Variants in NCOA1 observed in about 807,000 individuals in gnomAD.
NCOA1 encodes Hin-2 protein.
NCOA1 carries 35 observed loss-of-function variants against 150.9 expected under a neutral mutation model. That is an observed-to-expected ratio of 0.23 (90% CI 0.18 to 0.31). The LOEUF (loss-of-function observed/expected upper bound fraction) is 0.31. NCOA1 is among the 10% of genes least tolerant of loss of function. The pLI is 1.00. For synonymous variants in NCOA1, 590 were observed against 630.0 expected (o/e 0.94, Z 0.95); for missense variants, 1,491 against 1,749.3 (o/e 0.85, Z 2.63).
chr2:24,562,841 T>C (rs1208339945), intron 1 of NCOA1, among the ~76,000 whole-genome samples: 1 of 152,030 alleles, frequency 6.6e-6, no homozygotes, highest in Non-Finnish European at 1.5e-5. Flanking sequence ...AAAGAGCAGG[T>C]AGAGTGCATC....
At chr2:24,552,471 A>G (rs962621018) in intron 1 of NCOA1, among the ~76,000 whole-genome samples, 14 of 144,272 alleles carry the variant, frequency 9.7e-5, no homozygotes, top group African/African-American at 2.4e-4. Flanking sequence ...GGTTCAAGCA[A>G]TTCTCCTGCC....
chr2:24,642,042 G>A (rs61084964), intron 3 of NCOA1, among the ~76,000 whole-genome samples: 14 of 151,010 alleles, frequency 9.3e-5, no homozygotes, highest in East Asian at 1.9e-4. Context: ...GTGTGTGCGC[G>A]CGTGCGTATG....
At chr2:24,639,288 TAA>T (rs990100109) in intron 3 of NCOA1, among the ~76,000 whole-genome samples, 1 of 151,990 alleles carries the variant, frequency 6.6e-6, no homozygotes, top group Non-Finnish European at 1.5e-5. Context: ...ATAAATAAAA[TAA>T]AAAAATTAAT....
At chr2:24,672,900 A>T (rs566347248) in intron 6 of NCOA1, among the ~76,000 whole-genome samples, 15 of 152,328 alleles carry the variant, frequency 9.8e-5, no homozygotes, top group Admixed American at 3.9e-4. Context: ...TCAGAGCATC[A>T]TGGCACGAAT....
chr2:24,596,863 G>C (rs1442453694), intron 3 of NCOA1, among the ~76,000 whole-genome samples: 1 of 152,176 alleles, frequency 6.6e-6, no homozygotes, highest in African/African-American at 2.4e-5. Context: ...TATGAACTGT[G>C]AGGTTTTGTG....
chr2:24,583,020 C>T (rs1364926719), intron 2 of NCOA1, among the ~76,000 whole-genome samples: 2 of 152,048 alleles, frequency 1.3e-5, no homozygotes, highest in Admixed American at 1.3e-4. Flanking sequence ...GATTTCCTGG[C>T]TAAGACTTCA....
In NCOA1 at chr2:24,710,971, C is replaced by T. The variant is rs373504018; in HGVS notation, c.2459C>T (p.Thr820Met). 45 of 1,614,114 alleles carry T rather than the reference C, an allele frequency of 2.8e-5. No individual in the cohort carries two copies. Among genetic ancestry groups the T allele is most frequent in the Non-Finnish European group, 3.7e-5 (44 of 1,179,996 alleles). ...GACCAGTTTGATCAGTTACTGCCCA[C>T]GCTGGAGAAGGCAGCACAGTTGCCA... ...DLDQFDQLLP[T>M]LEKAAQLPGL... The change falls in exon 14 of 23, where the codon ACG becomes ATG. Residue 820 changes from threonine to methionine, a missense_variant. By Grantham distance (81) the Thr-to-Met change is moderately conservative. Around this residue, in one of 8 missense-constraint regions of NCOA1, gnomAD observed 703 missense variants for 717.7 expected, o/e 0.98. Transcript: ENST00000348332.
chr2:24,576,633 A>G (rs1170334165), intron 2 of NCOA1, among the ~76,000 whole-genome samples: 1 of 152,178 alleles, frequency 6.6e-6, no homozygotes, highest in Non-Finnish European at 1.5e-5. Context: ...CATCATGGCT[A>G]TTTGTGGAAA....
At chr2:24,519,151 A>C (rs536846938) in intron 1 of NCOA1, among the ~76,000 whole-genome samples, 4 of 152,338 alleles carry the variant, frequency 2.6e-5, no homozygotes, top group Non-Finnish European at 5.9e-5. Context: ...CAGAATAGAA[A>C]GTCTGGAATA....
chr2:24,631,752 G>T (rs1669721613), intron 3 of NCOA1, among the ~76,000 whole-genome samples: 1 of 152,122 alleles, frequency 6.6e-6, no homozygotes, highest in Admixed American at 6.5e-5. Context: ...TGTACAGAGG[G>T]ACGTTCTCTT....
At chr2:24,673,943 T>C (rs1266670852) in intron 7 of NCOA1, among the ~76,000 whole-genome samples, 1 of 152,222 alleles carries the variant, frequency 6.6e-6, no homozygotes, top group Non-Finnish European at 1.5e-5. Context: ...ACTGTCAAAC[T>C]TTGTAATGTG....
At chr2:24,540,439 A>T (rs908379935) in intron 1 of NCOA1, among the ~76,000 whole-genome samples, 5 of 150,926 alleles carry the variant, frequency 3.3e-5, no homozygotes, top group Admixed American at 1.3e-4. Flanking sequence ...ACTGTGCATG[A>T]TTGATAGCTG....
At chr2:24,750,472 G>A (rs1011585199) in intron 19 of NCOA1, among the ~76,000 whole-genome samples, 1 of 152,154 alleles carries the variant, frequency 6.6e-6, no homozygotes, top group African/African-American at 2.4e-5. Context: ...AGGTCAGATG[G>A]CTGCTAATAA....
Position 24,707,039 on chromosome 2 carries a change from T to C in NCOA1, c.1569T>C (p.Ser523=). Residue 523 remains serine (S), a synonymous_variant, in exon 13 of 23, where the codon AGT becomes AGC. Transcript: ENST00000348332. ...STLSSPVGMT[S]SACNNNNRSY... ...TAAGCTCTCCCGTTGGCATGACAAG[T>C]AGTGCCTGTAATAATAATAACCGAT... is the stretch of plus-strand genomic sequence containing the variant. The C allele has an allele frequency of 6.2e-7, 1 of 1,614,216 alleles. No homozygotes were observed. Among genetic ancestry groups the C allele is most frequent in the Non-Finnish European group, 8.5e-7 (1 of 1,180,038 alleles).
chr2:24,702,057 T>G (rs866574989), intron 11 of NCOA1, among the ~76,000 whole-genome samples: 3 of 152,218 alleles, frequency 2.0e-5, no homozygotes, highest in South Asian at 2.1e-4. Context: ...AAAGGGTTTA[T>G]GGTATTAAGT....
chr2:24,628,484 AT>A (rs1472928941), intron 3 of NCOA1, among the ~76,000 whole-genome samples: 4 of 152,064 alleles, frequency 2.6e-5, no homozygotes, highest in South Asian at 2.1e-4. Context: ...GCATATATTA[AT>A]TTTTTTTAAT....
At chr2:24,657,826 A>G (rs1431428000) in intron 4 of NCOA1, among the ~76,000 whole-genome samples, 1 of 152,208 alleles carries the variant, frequency 6.6e-6, no homozygotes, top group Non-Finnish European at 1.5e-5. Context: ...GGGTAGATGG[A>G]GTAAAAGAGA....
intron 1 of NCOA1, among the ~76,000 whole-genome samples, chr2:24,506,825 G>A (rs949941801): frequency 6.6e-6 from 1 of 152,120 alleles, no homozygotes; most frequent in Non-Finnish European, 1.5e-5. Flanking sequence ...GCTTTAGAAA[G>A]AATCAGTTTT....
At chr2:24,704,152 T>C (rs1366845231) in intron 11 of NCOA1, among the ~76,000 whole-genome samples, 2 of 152,196 alleles carry the variant, frequency 1.3e-5, no homozygotes, top group Non-Finnish European at 2.9e-5. Flanking sequence ...CTTAATTTGC[T>C]TACTAAACTT....
Sources: allele counts gnomAD v4.1 joint callset (sites outside exome capture counted in the v4.1 genomes callset), GRCh38; gene constraint gnomAD v4.1.1; regional missense constraint gnomAD v4.1.1; transcripts MANE v1.5; gene names NCBI Gene and HGNC (gene_info 2026-07-23, HGNC 2026-07-21).